HMGB1: variants seen among roughly 807,000 people sequenced by gnomAD.
The protein encoded by HMGB1 is high mobility group protein B1.
For synonymous variants in HMGB1, 81 were observed against 84.0 expected (o/e 0.96, Z 0.19); for missense variants, 79 against 253.5 (o/e 0.31, Z 4.67).
At chr13:30,492,654 T>C (rs371205302) in intron 1 of HMGB1, among the ~76,000 whole-genome samples, 94 of 152,182 alleles carry the variant, frequency 6.2e-4, no homozygotes, top group African/African-American at 2.1e-3. Flanking sequence ...CTGATAGGAA[T>C]GTAAAATGGT....
intron 1 of HMGB1, among the ~76,000 whole-genome samples, chr13:30,515,511 A>G (rs1224758041): frequency 1.3e-5 from 2 of 152,220 alleles, no homozygotes; most frequent in Admixed American, 6.5e-5. Context: ...TTAACATTAC[A>G]TTCAATAAAT....
intron 1 of HMGB1, among the ~76,000 whole-genome samples, chr13:30,585,148 TAA>T (rs534951749): frequency 1.0e-4 from 14 of 134,162 alleles, no homozygotes; most frequent in African/African-American, 1.4e-4. Flanking sequence ...ATACCTCATC[TAA>T]AAAAAAAAAA....
chr13:30,463,727 A>G (rs558072128), intron 1 of HMGB1, 33 bp from the exon 2 acceptor site: 1 of 1,399,668 alleles, frequency 7.1e-7, no homozygotes, highest in East Asian at 2.3e-5. Flanking sequence ...GATGTTAGCA[A>G]TAAAATTATG....
chr13:30,470,687 C>T (rs531267330), upstream of HMGB1, among the ~76,000 whole-genome samples: 67 of 152,234 alleles, frequency 4.4e-4, no homozygotes, highest in African/African-American at 1.6e-3. Context: ...CTCACTCAGT[C>T]GTCCAGGTTG....
intron 1 of HMGB1, among the ~76,000 whole-genome samples, chr13:30,570,580 T>C (rs1255739152): frequency 1.3e-5 from 2 of 152,244 alleles, no homozygotes; most frequent in East Asian, 3.8e-4. Flanking sequence ...TGAGCTTTTG[T>C]AAATCATCTT....
chr13:30,546,304 C>T (rs138762624), intron 1 of HMGB1, among the ~76,000 whole-genome samples: 226 of 152,222 alleles, frequency 1.5e-3, no homozygotes, highest in African/African-American at 5.1e-3. Context: ...TTAGTAGAGA[C>T]GGGGTTTCAC....
chr13:30,591,860 T>A (rs1275586463), intron 1 of HMGB1, among the ~76,000 whole-genome samples: 2 of 152,142 alleles, frequency 1.3e-5, no homozygotes, highest in Non-Finnish European at 2.9e-5. Context: ...CTCTAAGTAA[T>A]CTCTATTTCA....
Position 30,562,252 on chromosome 13 carries a change from G to GAATA in HMGB1, c.-15+54418_-15+54419insTATT. 2.7e-5 allele frequency among the ~76,000 whole-genome samples: 4 copies of GAATA among 148,436 alleles called. No individual in the cohort carries two copies. The Admixed American group carries it at 2.7e-4, about 10-fold the overall frequency. ...GCAGAGGTTGCAGTGAGCCAAGGTC[G>GAATA]CACCACTGTACTCCAGCCTGGGCAA... On this transcript the variant is annotated intron_variant, in intron 1 of 4. Transcript: ENST00000405805.
At chr13:30,507,919 C>A (rs751977958) in intron 1 of HMGB1, among the ~76,000 whole-genome samples, 4 of 152,046 alleles carry the variant, frequency 2.6e-5, no homozygotes, top group Non-Finnish European at 5.9e-5. Context: ...ATCGCTTGAG[C>A]CCCGGGATTC....
chr13:30,530,496 T>C (rs1194665663), intron 1 of HMGB1, among the ~76,000 whole-genome samples: 1 of 152,224 alleles, frequency 6.6e-6, no homozygotes, highest in Non-Finnish European at 1.5e-5. Context: ...TCCACATGGA[T>C]ACCCTTTGAC....
At chr13:30,469,738 C>T (rs1886876801), upstream of HMGB1, among the ~76,000 whole-genome samples, 1 of 152,142 alleles carries the variant, frequency 6.6e-6, no homozygotes, top group Non-Finnish European at 1.5e-5. Flanking sequence ...TTAAGTGATT[C>T]CCCTGCCTCA....
At chr13:30,561,906 T>C (rs1039461143) in intron 1 of HMGB1, among the ~76,000 whole-genome samples, 3 of 152,050 alleles carry the variant, frequency 2.0e-5, no homozygotes, top group South Asian at 2.1e-4. Flanking sequence ...AGAAGGACAG[T>C]GAAAACATCA....
intron 4 of HMGB1, 117 bp from the exon 5 acceptor site, chr13:30,461,650 G>T: frequency 6.3e-7 from 1 of 1,589,462 alleles, no homozygotes; most frequent in Non-Finnish European, 8.6e-7. Flanking sequence ...AAAATATCAC[G>T]TATCTGTAGA....
rs564052927 is a variant in HMGB1, at chr13:30,564,825, C to CT, written c.-15+51845dup. Among the ~76,000 whole-genome samples, 220 of 152,348 alleles carry CT rather than the reference C, an allele frequency of 1.4e-3. 1 individual carries two copies. The highest frequency in any genetic ancestry group is 5.0e-3 in the African/African-American group (206 of 41,570). ...GGAGGCAGAAAGAGAAGTTGAATGT[C>CT]TAAGAATCGGTAATTCTAAAACTCA... is the stretch of plus-strand genomic sequence containing the variant. On this transcript the variant is annotated intron_variant, in intron 1 of 4. Coordinates refer to the HMGB1 transcript ENST00000405805.
At chr13:30,586,826 A>G (rs1336474104) in intron 1 of HMGB1, among the ~76,000 whole-genome samples, 1 of 152,014 alleles carries the variant, frequency 6.6e-6, no homozygotes, top group East Asian at 1.9e-4. Flanking sequence ...GACTTTTAAT[A>G]GGCATCTCAA....
chr13:30,553,897 T>G, intron 1 of HMGB1: 1 of 1,369,708 alleles, frequency 7.3e-7, no homozygotes, highest in Non-Finnish European at 1.0e-6. Context: ...TTAGTTGACA[T>G]AGAAGAGGCA....
At chr13:30,469,357 C>T (rs1168242720), upstream of HMGB1, among the ~76,000 whole-genome samples, 2 of 152,188 alleles carry the variant, frequency 1.3e-5, no homozygotes, top group African/African-American at 2.4e-5. Flanking sequence ...TTTCTGTAAT[C>T]CTGTAATATT....
At chr13:30,492,887 A>G (rs1408840660) in intron 1 of HMGB1, among the ~76,000 whole-genome samples, 1 of 149,194 alleles carries the variant, frequency 6.7e-6, no homozygotes, top group African/African-American at 2.5e-5. Flanking sequence ...GCTACTCAGG[A>G]GCCTGAGGCA....
chr13:30,553,905 G>A, intron 1 of HMGB1: 1 of 1,383,216 alleles, frequency 7.2e-7, no homozygotes, highest in Non-Finnish European at 1.0e-6. Context: ...CATAGAAGAG[G>A]CACGAAGGAG....
Sources: gnomAD v4.1 joint callset for allele counts (sites outside exome capture counted in the v4.1 genomes callset) on GRCh38, gnomAD v4.1.1 for gene constraint, MANE v1.5 for transcripts, NCBI Gene and HGNC (gene_info 2026-07-23, HGNC 2026-07-21) for gene names.